RBFOX1: variants seen among roughly 807,000 people sequenced by gnomAD.
RBFOX1 encodes RNA binding protein fox-1 homolog 1.
RBFOX1 carries 8 observed loss-of-function variants against 57.7 expected under a neutral mutation model. That is an observed-to-expected ratio of 0.14 (90% CI 0.08 to 0.25). The LOEUF is 0.25. RBFOX1 is among the 10% of genes least tolerant of loss of function. The probability of loss-of-function intolerance (pLI) is 1.00; values close to 1 mark genes in which losing one functional copy is unlikely to be tolerated. For synonymous variants in RBFOX1, 326 were observed against 222.4 expected (o/e 1.47, Z -4.15); for missense variants, 611 against 548.5 (o/e 1.11, Z -1.14).
rs974742942 is a variant in RBFOX1 at position 6,646,130 on chromosome 16, A to T, written c.-63-8473A>T. 2.6e-5 allele frequency among the ~76,000 whole-genome samples: 4 copies of T among 152,110 alleles called. 1 individual carries two copies. In the South Asian group the frequency reaches 8.3e-4, roughly 32 times the overall value. ...AGTAGTTGAGCTGTTTTCCAAGCGAAGTGGTCGAGTGGGGCTGAAGTACTT... is the reference window on the plus strand; with the variant it reads ...AGTAGTTGAGCTGTTTTCCAAGCGATGTGGTCGAGTGGGGCTGAAGTACTT... On this transcript the variant is annotated intron_variant, in intron 2 of 15. Transcript: ENST00000550418.
chr16:7,262,975 AGG>A (rs1340625640), intron 4 of RBFOX1, among the ~76,000 whole-genome samples: 1 of 152,190 alleles, frequency 6.6e-6, no homozygotes, highest in African/African-American at 2.4e-5. Context: ...CACTTACTCT[AGG>A]AAGTGTTAGA....
intron 4 of RBFOX1, among the ~76,000 whole-genome samples, chr16:5,904,011 T>A (rs567231932): frequency 5.9e-5 from 9 of 152,154 alleles, no homozygotes; most frequent in African/African-American, 2.2e-4. Flanking sequence ...ATGAATGTAA[T>A]TGGCAGAAGG....
At chr16:6,432,327 C>G (rs1363461970) in intron 2 of RBFOX1, among the ~76,000 whole-genome samples, 1 of 151,928 alleles carries the variant, frequency 6.6e-6, no homozygotes, top group African/African-American at 2.4e-5. Flanking sequence ...TTGCTATTAT[C>G]GTTTACATTA....
At chr16:6,238,406 G>A (rs1281315334) in intron 1 of RBFOX1, among the ~76,000 whole-genome samples, 2 of 152,106 alleles carry the variant, frequency 1.3e-5, no homozygotes, top group African/African-American at 4.8e-5. Context: ...TTCTGATACT[G>A]GAGAATTTAA....
At chr16:5,982,471 T>C (rs1241893168) in intron 4 of RBFOX1, among the ~76,000 whole-genome samples, 4 of 152,220 alleles carry the variant, frequency 2.6e-5, no homozygotes, top group Non-Finnish European at 5.9e-5. Context: ...AGAAGGGGTT[T>C]CGCCATGTTG....
intron 2 of RBFOX1, among the ~76,000 whole-genome samples, chr16:6,546,716 A>G (rs919131927): frequency 6.6e-6 from 1 of 152,172 alleles, no homozygotes; most frequent in Non-Finnish European, 1.5e-5. Flanking sequence ...ATTACCAGGT[A>G]CCTGAGGTTA....
At chr16:5,882,782 A>G (rs555587710) in intron 4 of RBFOX1, among the ~76,000 whole-genome samples, 117 of 152,294 alleles carry the variant, frequency 7.7e-4, no homozygotes, top group African/African-American at 2.7e-3. Context: ...CATTACTGCA[A>G]ATTAGAGAAT....
At chr16:6,454,339 T>C (rs1355627050) in intron 2 of RBFOX1, among the ~76,000 whole-genome samples, 1 of 152,104 alleles carries the variant, frequency 6.6e-6, no homozygotes, top group Non-Finnish European at 1.5e-5. Flanking sequence ...GGTGAATCTC[T>C]TAAGCCCAGG....
rs922987027 is a variant in RBFOX1 at position 5,858,707 on chromosome 16, A to T, written c.319-8596A>T. 2.0e-5 allele frequency among the ~76,000 whole-genome samples: 3 copies of T among 152,236 alleles called. No homozygotes were observed. In the East Asian group the frequency reaches 5.8e-4, roughly 29 times the overall value. On this transcript the variant is annotated intron_variant, in intron 3 of 19. Transcript: ENST00000641259. ...GTTTTCTAGAAGAATTTTAAGAGAC[A>T]TTTATTCATTGGACATGTCTGGAGC...
intron 4 of RBFOX1, among the ~76,000 whole-genome samples, chr16:7,193,933 G>A (rs1267107340): frequency 6.6e-6 from 1 of 151,928 alleles, no homozygotes; most frequent in East Asian, 1.9e-4. Context: ...TGAAAATATA[G>A]TAGCATCTAT....
chr16:7,199,569 C>G (rs533792604), intron 4 of RBFOX1, among the ~76,000 whole-genome samples: 3 of 152,112 alleles, frequency 2.0e-5, no homozygotes, highest in African/African-American at 7.2e-5. Flanking sequence ...ACAGAATCAG[C>G]CAATAATCTG....
intron 2 of RBFOX1, among the ~76,000 whole-genome samples, chr16:6,486,530 G>A (rs9940703): frequency 7.2e-5 from 11 of 152,026 alleles, no homozygotes; most frequent in African/African-American, 1.9e-4. Flanking sequence ...GGGAGTTGGC[G>A]TAAGTTCTTG....
rs76640509 is a variant in RBFOX1 at position 6,865,622 on chromosome 16, A to G, written c.-15-186435A>G. The stretch of plus-strand genomic sequence containing the variant: ...TTATTTTTTAATTTAATAAGATACT[A>G]TGGACTGAGATGTATTCTTCATGAC... On this transcript the variant is annotated intron_variant, in intron 3 of 15. Transcript: ENST00000550418. Among the ~76,000 whole-genome samples the G allele has an allele frequency of 5.1e-3, 784 of 152,318 alleles. 12 individuals carry two copies. Among genetic ancestry groups the G allele is most frequent in the African/African-American group, 0.018 (745 of 41,564 alleles).
intron 11 of RBFOX1, among the ~76,000 whole-genome samples, chr16:7,653,551 G>T (rs752583187): frequency 6.6e-6 from 1 of 152,128 alleles, no homozygotes; most frequent in African/African-American, 2.4e-5. Context: ...CTTTTCTCCC[G>T]TTATATAGAA....
chr16:5,324,258 T>C (rs1408345485), intron 1 of RBFOX1, among the ~76,000 whole-genome samples: 1 of 151,838 alleles, frequency 6.6e-6, no homozygotes, highest in Non-Finnish European at 1.5e-5. Context: ...AAGTCAGGAG[T>C]TCGAAACCAG....
chr16:7,622,087 C>T (rs1174334303), intron 10 of RBFOX1, among the ~76,000 whole-genome samples: 7 of 151,864 alleles, frequency 4.6e-5, no homozygotes, highest in Non-Finnish European at 8.8e-5. Flanking sequence ...GGTGGGGGCT[C>T]GGGGGAGGGG....
At chr16:5,761,121 G>T (rs531120901) in intron 3 of RBFOX1, among the ~76,000 whole-genome samples, 1 of 152,286 alleles carries the variant, frequency 6.6e-6, no homozygotes, top group South Asian at 2.1e-4. Flanking sequence ...CAGAAAAGAT[G>T]AAGGGGTAGT....
At chr16:6,952,832 G>A (rs1262813648) in intron 3 of RBFOX1, among the ~76,000 whole-genome samples, 1 of 151,918 alleles carries the variant, frequency 6.6e-6, no homozygotes, top group African/African-American at 2.4e-5. Flanking sequence ...AAAATTAGCT[G>A]GGTATGGTGG....
chr16:7,232,414 G>C (rs2093553087), intron 4 of RBFOX1, among the ~76,000 whole-genome samples: 1 of 152,192 alleles, frequency 6.6e-6, no homozygotes, highest in Non-Finnish European at 1.5e-5. Context: ...CTTCAAACAA[G>C]TGAATATTTA....
Sources: allele counts gnomAD v4.1 joint callset (sites outside exome capture counted in the v4.1 genomes callset), GRCh38; gene constraint gnomAD v4.1.1; transcripts MANE v1.5; gene names NCBI Gene and HGNC (gene_info 2026-07-23, HGNC 2026-07-21).